Variants in VTA1 observed in about 807,000 individuals in gnomAD.
VTA1 encodes vesicle trafficking 1, also known as vacuolar protein sorting-associated protein VTA1 homolog.
Under a neutral mutation model 36.9 loss-of-function variants are expected in VTA1, and 24 were observed. That is an observed-to-expected ratio of 0.65 (90% CI 0.47 to 0.91). The LOEUF is 0.91. Ranked by LOEUF, VTA1 falls within the 40% of genes least tolerant of loss-of-function variation. The pLI, the probability that VTA1 is intolerant of heterozygous loss-of-function variation, is 0.00. For synonymous variants in VTA1, 142 were observed against 130.2 expected, an observed-to-expected ratio of 1.09 and a Z score of -0.62; for missense variants, 393 against 377.2, an observed-to-expected ratio of 1.04 and a Z score of -0.35.
At chr6:142,161,881 T>C (rs1426772628) in intron 1 of VTA1, among the ~76,000 whole-genome samples, 1 of 152,126 alleles carries the variant, frequency 6.6e-6, no homozygotes, top group Non-Finnish European at 1.5e-5. Flanking sequence ...AAAATGTATC[T>C]TATGGTAAAT....
At chr6:142,215,037 C>G (rs560372259) in intron 7 of VTA1, among the ~76,000 whole-genome samples, 2 of 152,198 alleles carry the variant, frequency 1.3e-5, no homozygotes, top group African/African-American at 4.8e-5. Context: ...ATGGCTCACT[C>G]TGGAGAATGG....
At chr6:142,185,986 G>A (rs112291884) in intron 4 of VTA1, among the ~76,000 whole-genome samples, 1 of 152,152 alleles carries the variant, frequency 6.6e-6, no homozygotes, top group African/African-American at 2.4e-5. Context: ...GGTGTTTTGA[G>A]GGTCTGGGAG....
chr6:142,189,565 C>T, intron 5 of VTA1, 31 bp downstream of exon 5: 1 of 1,547,484 alleles, frequency 6.5e-7, no homozygotes, highest in South Asian at 1.1e-5. Context: ...AGTAAAAGGA[C>T]TTAGTAGAAT....
intron 7 of VTA1, among the ~76,000 whole-genome samples, chr6:142,217,090 A>G (rs990039813): frequency 2.6e-5 from 4 of 152,196 alleles, no homozygotes; most frequent in Admixed American, 2.6e-4. Context: ...GTTGATGTTT[A>G]GGTTTAATGG....
chr6:142,188,747 A>G (rs1046679517), intron 4 of VTA1, among the ~76,000 whole-genome samples: 1 of 151,950 alleles, frequency 6.6e-6, no homozygotes, highest in Non-Finnish European at 1.5e-5. Flanking sequence ...AGATTTTTAT[A>G]TTTTTAATGC....
chr6:142,212,150 A>G (rs1440262930), intron 7 of VTA1, among the ~76,000 whole-genome samples: 2 of 152,252 alleles, frequency 1.3e-5, no homozygotes, highest in Non-Finnish European at 2.9e-5. Context: ...AGGATCCTGC[A>G]GTTGTGTCCT....
chr6:142,181,094 A>AAAAATATATATATAT (rs1471429927), intron 4 of VTA1, among the ~76,000 whole-genome samples: 4 of 36,440 alleles, frequency 1.1e-4, no homozygotes, highest in Admixed American at 4.0e-4. Flanking sequence ...AAAAAAAAAA[A>AAAAATATATATATAT]ATATATATAT....
At chr6:142,181,745 A>C (rs948040279) in intron 4 of VTA1, among the ~76,000 whole-genome samples, 2 of 152,072 alleles carry the variant, frequency 1.3e-5, no homozygotes, top group Non-Finnish European at 2.9e-5. Flanking sequence ...ATGATATTTT[A>C]AAAATAGAGG....
intron 4 of VTA1, among the ~76,000 whole-genome samples, chr6:142,181,463 A>G (rs1775237812): frequency 6.8e-6 from 1 of 147,788 alleles, no homozygotes. Flanking sequence ...TTTTATATAT[A>G]TATATATATA....
At chr6:142,199,087 A>G (rs1249694064) in intron 6 of VTA1, among the ~76,000 whole-genome samples, 2 of 151,966 alleles carry the variant, frequency 1.3e-5, no homozygotes, top group Admixed American at 6.6e-5. Flanking sequence ...GCTTTGAGGC[A>G]TGAAATCTCA....
At chr6:142,182,875 C>T (rs376712457) in intron 4 of VTA1, among the ~76,000 whole-genome samples, 10 of 152,238 alleles carry the variant, frequency 6.6e-5, no homozygotes, top group East Asian at 3.9e-4. Context: ...CATTAGACTG[C>T]GTGAGATCAT....
rs1005590576 is a variant in VTA1 at position 142,189,200 on chromosome 6, A to G, written c.412-226A>G. Reference sequence around the variant, plus strand: ...TCCTTTCTGAAATGTTATATGATAAAAGAGAACTGGGCGTATGTTTTGAGG... The same window carrying G: ...TCCTTTCTGAAATGTTATATGATAAGAGAGAACTGGGCGTATGTTTTGAGG... On this transcript the variant is annotated intron_variant, in intron 4 of 7. Transcript: ENST00000367630. Among the ~76,000 whole-genome samples the G allele has an allele frequency of 2.6e-5, 4 of 152,186 alleles. No individual in the cohort carries two copies. In the South Asian group the frequency reaches 8.3e-4, roughly 31 times the overall value.
Position 142,166,239 on chromosome 6 carries a change from G to T in VTA1, c.124G>T (p.Ala42Ser). The T allele has an allele frequency of 6.2e-7, 1 of 1,605,828 alleles. No individual in the cohort carries two copies. Among genetic ancestry groups the T allele is most frequent in the Non-Finnish European group, 8.5e-7 (1 of 1,175,680 alleles). Reference protein sequence around the residue: ...PVVAYYCRLYAMQTGMKIDSK... With the variant: ...PVVAYYCRLYSMQTGMKIDSK... The stretch of plus-strand genomic sequence containing the variant: ...ACTTTTCTTTCTAGGTCGTTTATAC[G>T]CAATGCAGACTGGAATGAAGATCGA... Residue 42 changes from alanine to serine, a missense_variant, in exon 2 of 8, where the codon GCA becomes TCA. Coordinates refer to ENST00000367630, the MANE Select transcript of VTA1 (RefSeq NM_016485.5).
At chr6:142,210,629 T>C (rs532268496) in intron 7 of VTA1, among the ~76,000 whole-genome samples, 2 of 152,238 alleles carry the variant, frequency 1.3e-5, no homozygotes, top group South Asian at 4.1e-4. Flanking sequence ...ATCTAACATT[T>C]CGTATATGAA....
chr6:142,207,552 A>G (rs1582903697), intron 7 of VTA1, among the ~76,000 whole-genome samples: 1 of 152,270 alleles, frequency 6.6e-6, no homozygotes, highest in East Asian at 1.9e-4. Flanking sequence ...TGGGACATTC[A>G]GCGCTCCAAA....
chr6:142,171,100 ATTT>A (rs35684039), intron 4 of VTA1, among the ~76,000 whole-genome samples: 1 of 145,560 alleles, frequency 6.9e-6, no homozygotes, highest in African/African-American at 2.5e-5. Context: ...AGGTAGAATC[ATTT>A]TTTTTTTTGA....
intron 1 of VTA1, among the ~76,000 whole-genome samples, chr6:142,164,837 A>C (rs1200159789): frequency 6.6e-6 from 1 of 152,210 alleles, no homozygotes; most frequent in East Asian, 1.9e-4. Context: ...GTGTTTGTCT[A>C]TTCAGAAAAT....
At position 142,218,759 on chromosome 6, in the gene VTA1, C is replaced by CA. The variant is rs1776049439; in HGVS notation, c.*118dup. The CA allele has an allele frequency of 8.2e-7, 1 of 1,214,152 alleles. No individual in the cohort carries two copies. Among genetic ancestry groups the CA allele is most frequent in the South Asian group, 1.7e-5 (1 of 58,216 alleles). The allele number at this position is 1,214,152 out of a possible 1,614,324, so 75.2% of individuals were successfully genotyped here. On this transcript the variant is annotated 3_prime_UTR_variant, in exon 8 of 8. Coordinates refer to ENST00000367630, the MANE Select transcript of VTA1 (RefSeq NM_016485.5). ...GAAGACTTGGTTTTGTTGAATATGA[C>CA]AATGAAATCTGTGTGTATCAGATTT...
intron 1 of VTA1, among the ~76,000 whole-genome samples, chr6:142,151,380 A>AC (rs1397264376): frequency 6.6e-6 from 1 of 152,196 alleles, no homozygotes; most frequent in Non-Finnish European, 1.5e-5. Flanking sequence ...AGATGACCTT[A>AC]CTGCCTCATT....
Sources: gnomAD v4.1 joint callset for allele counts (sites outside exome capture counted in the v4.1 genomes callset) on GRCh38, gnomAD v4.1.1 for gene constraint, MANE v1.5 for transcripts, NCBI Gene and HGNC (gene_info 2026-07-23, HGNC 2026-07-21) for gene names.